PTPRN2: variants seen among roughly 807,000 people sequenced by gnomAD.
The protein encoded by PTPRN2 is receptor-type tyrosine-protein phosphatase N2.
In PTPRN2, 74 loss-of-function variants were observed where a neutral mutation model predicts 118.8. The ratio of observed to expected loss-of-function variants is 0.62; its 90% CI spans 0.52 to 0.76. The LOEUF (loss-of-function observed/expected upper bound fraction) is 0.76, where lower values mean the gene tolerates loss of function less well. PTPRN2 is among the 30% of genes least tolerant of loss of function. PTPRN2 has a pLI of 0.00. For synonymous variants in PTPRN2, 641 were observed against 608.0 expected, an observed-to-expected ratio of 1.05 and a Z score of -0.80; for missense variants, 1,481 against 1,394.4, an observed-to-expected ratio of 1.06 and a Z score of -0.99.
intron 2 of PTPRN2, among the ~76,000 whole-genome samples, chr7:158,443,442 C>T (rs115789210): frequency 9.7e-4 from 148 of 152,366 alleles, no homozygotes; most frequent in African/African-American, 3.5e-3. Flanking sequence ...TCCCCACTGA[C>T]GGGTCTGTAA....
At chr7:158,422,216 C>G (rs890851813) in intron 2 of PTPRN2, among the ~76,000 whole-genome samples, 4 of 152,190 alleles carry the variant, frequency 2.6e-5, no homozygotes, top group African/African-American at 9.7e-5. Context: ...TTTCAGTCAA[C>G]CTTTTAAGAA....
At chr7:157,972,045 A>G (rs1391055986) in intron 11 of PTPRN2, among the ~76,000 whole-genome samples, 3 of 152,242 alleles carry the variant, frequency 2.0e-5, no homozygotes, top group Non-Finnish European at 4.4e-5. Context: ...TAAATGTTCA[A>G]TTTCCAGAGG....
At chr7:158,156,868 G>T (rs1821865524) in intron 6 of PTPRN2, among the ~76,000 whole-genome samples, 1 of 152,258 alleles carries the variant, frequency 6.6e-6, no homozygotes, top group African/African-American at 2.4e-5. Context: ...CATATGCAGA[G>T]GATGCTTATA....
At chr7:158,482,770 C>T (rs1251836242) in intron 2 of PTPRN2, among the ~76,000 whole-genome samples, 1 of 152,172 alleles carries the variant, frequency 6.6e-6, no homozygotes, top group Non-Finnish European at 1.5e-5. Flanking sequence ...TGAGCCCATT[C>T]ACTAGTTTTT....
chr7:157,860,953 T>C (rs1203869656), intron 12 of PTPRN2, among the ~76,000 whole-genome samples: 1 of 152,214 alleles, frequency 6.6e-6, no homozygotes, highest in African/African-American at 2.4e-5. Context: ...CAGGCACAGA[T>C]GGGCTGGCCC....
intron 11 of PTPRN2, among the ~76,000 whole-genome samples, chr7:158,010,922 G>A (rs1310162098): frequency 6.6e-6 from 1 of 152,194 alleles, no homozygotes; most frequent in Non-Finnish European, 1.5e-5. Flanking sequence ...AGGTGGGCAG[G>A]GGAGGAAGAG....
chr7:158,111,398 A>G (rs976267133), intron 9 of PTPRN2, among the ~76,000 whole-genome samples: 2 of 152,124 alleles, frequency 1.3e-5, no homozygotes, highest in Non-Finnish European at 1.5e-5. Flanking sequence ...GGGCGGGGGC[A>G]CTCCCGGAAG....
intron 11 of PTPRN2, among the ~76,000 whole-genome samples, chr7:157,899,389 C>T (rs1282626650): frequency 6.6e-6 from 1 of 152,180 alleles, no homozygotes; most frequent in Non-Finnish European, 1.5e-5. Context: ...CCCAGTAATC[C>T]TAGCACCAAC....
intron 14 of PTPRN2, among the ~76,000 whole-genome samples, chr7:157,650,136 C>T (rs561137507): frequency 2.6e-5 from 4 of 152,334 alleles, no homozygotes; most frequent in African/African-American, 7.2e-5. Flanking sequence ...CCTCTCCTGG[C>T]TCTGCCTCTT....
In PTPRN2 at chr7:158,546,664, A is replaced by G. The variant is rs550336061; in HGVS notation, c.112+40894T>C. ...TCCCGAGTAGCAGGTGGGTGACTAC[A>G]GAGGTGCTCTGAGGGTCTTAGGCAG... On this transcript the variant is annotated intron_variant, in intron 1 of 22. Transcript: ENST00000389418. This position sits in a 1 kb window ranked among gnomAD's most constrained non-coding sequence, Gnocchi z 5.0. Among the ~76,000 whole-genome samples, 2 of 152,320 alleles carry G rather than the reference A, an allele frequency of 1.3e-5. No homozygotes were observed. The highest frequency in any genetic ancestry group is 4.1e-4 in the South Asian group (2 of 4,826).
At chr7:158,013,355 A>G (rs1004367742) in intron 11 of PTPRN2, among the ~76,000 whole-genome samples, 1 of 152,082 alleles carries the variant, frequency 6.6e-6, no homozygotes, top group African/African-American at 2.4e-5. Context: ...CAAACCATTC[A>G]TCTATATATC....
intron 12 of PTPRN2, among the ~76,000 whole-genome samples, chr7:157,757,858 C>T (rs1156234957): frequency 1.3e-5 from 2 of 152,218 alleles, no homozygotes; most frequent in African/African-American, 2.4e-5. Flanking sequence ...TGGGGCCCCG[C>T]GAATGAACCA....
intron 9 of PTPRN2, among the ~76,000 whole-genome samples, chr7:158,120,602 C>T (rs566585642): frequency 6.6e-6 from 1 of 152,284 alleles, no homozygotes; most frequent in South Asian, 2.1e-4. Flanking sequence ...TTTTTCAAGG[C>T]TGCATTCTGT....
At chr7:158,008,243 G>T (rs1261378011) in intron 11 of PTPRN2, among the ~76,000 whole-genome samples, 6 of 152,130 alleles carry the variant, frequency 3.9e-5, no homozygotes, top group Admixed American at 6.5e-5. Context: ...GGAATGAACG[G>T]ATCCATGAAT....
At chr7:157,640,524 A>T (rs1472199118) in intron 14 of PTPRN2, among the ~76,000 whole-genome samples, 1 of 152,228 alleles carries the variant, frequency 6.6e-6, no homozygotes, top group African/African-American at 2.4e-5. Flanking sequence ...TGGAGAAAGG[A>T]ATTCTCAGAT....
chr7:158,041,955 A>G (rs775147099), intron 11 of PTPRN2, among the ~76,000 whole-genome samples: 5 of 152,224 alleles, frequency 3.3e-5, no homozygotes, highest in Non-Finnish European at 5.9e-5. Context: ...CAACACTCTT[A>G]GTAATCACAT....
intron 12 of PTPRN2, among the ~76,000 whole-genome samples, chr7:157,839,514 T>C (rs1000277512): frequency 6.6e-6 from 1 of 151,626 alleles, no homozygotes; most frequent in Non-Finnish European, 1.5e-5. Context: ...TATGTGTCTG[T>C]CTGTGTGTGT....
intron 12 of PTPRN2, among the ~76,000 whole-genome samples, chr7:157,719,808 T>C (rs1799135501): frequency 6.6e-6 from 1 of 152,234 alleles, no homozygotes; most frequent in South Asian, 2.1e-4. Flanking sequence ...TCCTCAAAGG[T>C]CTCATTAATT....
At chr7:158,053,054 G>A (rs757539073) in intron 11 of PTPRN2, among the ~76,000 whole-genome samples, 16 of 152,200 alleles carry the variant, frequency 1.1e-4, no homozygotes, top group Admixed American at 3.9e-4. Flanking sequence ...AGCACCCAGT[G>A]GGCACAACCC....
Sources: allele counts gnomAD v4.1 joint callset (sites outside exome capture counted in the v4.1 genomes callset), GRCh38; gene constraint gnomAD v4.1.1; non-coding constraint Gnocchi (gnomAD v3.1); transcripts MANE v1.5; gene names NCBI Gene and HGNC (gene_info 2026-07-23, HGNC 2026-07-21).